The following CADPS2 variants were observed in gnomAD, a reference collection of about 807,000 sequenced individuals.
CADPS2 encodes the protein calcium-dependent secretion activator 2.
In CADPS2, 93 loss-of-function variants were observed where a neutral mutation model predicts 172.5. The ratio of observed to expected loss-of-function variants is 0.54; its 90% CI spans 0.46 to 0.64. The LOEUF (loss-of-function observed/expected upper bound fraction) is 0.64, where lower values mean the gene tolerates loss of function less well. Among genes scored for constraint, CADPS2 ranks in the 30% least tolerant of loss-of-function variants. The probability of loss-of-function intolerance (pLI) is 0.00; values close to 1 mark genes in which losing one functional copy is unlikely to be tolerated. For synonymous variants in CADPS2, 546 were observed against 555.2 expected, an observed-to-expected ratio of 0.98 and a Z score of 0.23; for missense variants, 1,420 against 1,565.9, an observed-to-expected ratio of 0.91 and a Z score of 1.57.
chr7:122,713,749 G>A (rs767465963), intron 2 of CADPS2, among the ~76,000 whole-genome samples: 4 of 151,946 alleles, frequency 2.6e-5, no homozygotes, highest in African/African-American at 7.2e-5. Context: ...GTATTTGAAT[G>A]CACATTAGGG....
chr7:122,375,928 C>G (rs2151311597), intron 25 of CADPS2, among the ~76,000 whole-genome samples: 1 of 151,708 alleles, frequency 6.6e-6, no homozygotes, highest in South Asian at 2.1e-4. Flanking sequence ...AAAAAATGAG[C>G]AAAGCACTAC....
At chr7:122,647,224 T>C (rs2078663292) in intron 3 of CADPS2, among the ~76,000 whole-genome samples, 1 of 151,810 alleles carries the variant, frequency 6.6e-6, no homozygotes, top group East Asian at 1.9e-4. Context: ...AGTTTTTTTT[T>C]CCAGTGGATC....
intron 27 of CADPS2, among the ~76,000 whole-genome samples, chr7:122,355,643 C>A (rs1168899896): frequency 1.3e-5 from 2 of 151,498 alleles, no homozygotes; most frequent in Non-Finnish European, 2.9e-5. Flanking sequence ...CCTTCTTATC[C>A]AGAAAATTTT....
At chr7:122,799,396 G>A (rs1589267860) in intron 1 of CADPS2, among the ~76,000 whole-genome samples, 2 of 152,100 alleles carry the variant, frequency 1.3e-5, no homozygotes, top group South Asian at 2.1e-4. Flanking sequence ...TCAGGAGATC[G>A]AGACCATCCT....
intron 1 of CADPS2, among the ~76,000 whole-genome samples, chr7:122,883,674 T>A (rs1823549660): frequency 6.6e-6 from 1 of 152,128 alleles, no homozygotes; most frequent in Non-Finnish European, 1.5e-5. Context: ...CCAGCTCCCT[T>A]TAGTAAGCAG....
At chr7:122,428,650 G>T (rs755058130) in intron 17 of CADPS2, among the ~76,000 whole-genome samples, 1 of 151,804 alleles carries the variant, frequency 6.6e-6, no homozygotes, top group Non-Finnish European at 1.5e-5. Flanking sequence ...TATTTTTTTA[G>T]TAGAGATGGG....
chr7:122,697,714 C>T (rs747815835), intron 2 of CADPS2: 16 of 1,146,216 alleles, frequency 1.4e-5, no homozygotes, highest in Admixed American at 1.1e-4. Flanking sequence ...ACACTTCAAA[C>T]AGACAAACTG....
chr7:122,779,353 G>C (rs1792060737), intron 1 of CADPS2, among the ~76,000 whole-genome samples: 1 of 152,120 alleles, frequency 6.6e-6, no homozygotes, highest in South Asian at 2.1e-4. Context: ...TGGATCAGGT[G>C]CAAAGAGTGG....
chr7:122,734,356 T>TAAAAAAAAAAAAAAAA lies in CADPS2; in HGVS notation c.453+2583_453+2598dup, dbSNP rs558421546. Among the ~76,000 whole-genome samples, 100 of 46,274 alleles carry TAAAAAAAAAAAAAAAA rather than the reference T, an allele frequency of 2.2e-3. 14 individuals are homozygous for TAAAAAAAAAAAAAAAA. Among genetic ancestry groups the TAAAAAAAAAAAAAAAA allele is most frequent in the East Asian group, 8.3e-3 (8 of 968 alleles). The allele number at this position is 46,274 out of a possible 152,430, so 30.4% of individuals were successfully genotyped here. ...AATAACGATAGCATGCCAGAAATAGTAAAAAAAAAAAAAAAAAAAAAAAAA... is the reference window on the plus strand; with the variant it reads ...AATAACGATAGCATGCCAGAAATAGTAAAAAAAAAAAAAAAAAAAAAAAAAAAAAAAAAAAAAAAAA... On this transcript the variant is annotated intron_variant, in intron 2 of 29. Transcript: ENST00000449022.
At chr7:122,702,513 C>T (rs1463994809) in intron 2 of CADPS2, 2 of 1,613,530 alleles carry the variant, frequency 1.2e-6, no homozygotes, top group African/African-American at 2.7e-5. Context: ...TGATTCCATC[C>T]TTCAGGAAGT....
chr7:122,684,454 C>T (rs1290914642), intron 2 of CADPS2, among the ~76,000 whole-genome samples: 1 of 151,896 alleles, frequency 6.6e-6, no homozygotes, highest in African/African-American at 2.4e-5. Context: ...TATATACACA[C>T]ATATATATAC....
At chr7:122,390,129 G>A (rs545049008) in intron 22 of CADPS2, among the ~76,000 whole-genome samples, 1 of 151,964 alleles carries the variant, frequency 6.6e-6, no homozygotes, top group South Asian at 2.1e-4. Context: ...TCAGACTTAA[G>A]TTCTCTAGGG....
At chr7:122,645,659 A>ATATATG (rs2078446941) in intron 3 of CADPS2, among the ~76,000 whole-genome samples, 1 of 3,206 alleles carries the variant, frequency 3.1e-4, no homozygotes, top group Admixed American at 5.6e-3. Flanking sequence ...TATCTCTAAG[A>ATATATG]TATATATATA....
chr7:122,792,476 C>A (rs1246847866), intron 1 of CADPS2, among the ~76,000 whole-genome samples: 2 of 152,128 alleles, frequency 1.3e-5, no homozygotes, highest in African/African-American at 4.8e-5. Flanking sequence ...TGACCTTGGA[C>A]CTTCCAGCCT....
At chr7:122,722,771 T>A (rs1478260371) in intron 2 of CADPS2, among the ~76,000 whole-genome samples, 2 of 149,818 alleles carry the variant, frequency 1.3e-5, no homozygotes, top group Admixed American at 1.3e-4. Context: ...GCTACCTGAC[T>A]TCAAACTATA....
intron 2 of CADPS2, among the ~76,000 whole-genome samples, chr7:122,706,689 T>A (rs1459992978): frequency 1.4e-5 from 2 of 147,570 alleles, no homozygotes; most frequent in Non-Finnish European, 3.0e-5. Flanking sequence ...ATATATATTC[T>A]TTTATATATA....
chr7:122,805,891 C>T lies in CADPS2; in HGVS notation c.340-68823G>A, dbSNP rs955689151. Reference sequence around the variant, plus strand: ...ATTTGGATAGGGCAGCAAAATGAGGCACACAGCTGTAACATTAGCTCTTCA... The same window carrying T: ...ATTTGGATAGGGCAGCAAAATGAGGTACACAGCTGTAACATTAGCTCTTCA... On this transcript the variant is annotated intron_variant, in intron 1 of 29. Transcript: ENST00000449022. Among the ~76,000 whole-genome samples, 3 of 152,204 alleles carry T rather than the reference C, an allele frequency of 2.0e-5. No homozygotes were observed. The East Asian group carries it at 5.8e-4, about 29-fold the overall frequency.
chr7:122,504,069 T>C (rs2059427658), intron 9 of CADPS2, among the ~76,000 whole-genome samples: 1 of 152,212 alleles, frequency 6.6e-6, no homozygotes, highest in South Asian at 2.1e-4. Flanking sequence ...CAAATGCAAA[T>C]TCCACTTTCA....
intron 1 of CADPS2, among the ~76,000 whole-genome samples, chr7:122,794,012 G>A (rs1795839184): frequency 1.3e-5 from 2 of 152,184 alleles, no homozygotes; most frequent in South Asian, 2.1e-4. Flanking sequence ...AGTCTGACGG[G>A]CTTCTCTTTG....
Sources: allele counts gnomAD v4.1 joint callset (sites outside exome capture counted in the v4.1 genomes callset), GRCh38; gene constraint gnomAD v4.1.1; transcripts MANE v1.5; gene names NCBI Gene and HGNC (gene_info 2026-07-23, HGNC 2026-07-21).